DNER: variants seen among roughly 807,000 people sequenced by gnomAD.
The protein encoded by DNER is delta and Notch-like epidermal growth factor-related receptor.
In DNER, 33 loss-of-function variants were observed where a neutral mutation model predicts 78.2. That is an observed-to-expected ratio of 0.42 (90% CI 0.32 to 0.56). The LOEUF (loss-of-function observed/expected upper bound fraction) is 0.56. Among genes scored for constraint, DNER ranks in the 20% least tolerant of loss-of-function variants. DNER has a pLI of 0.11. For missense variants in DNER, 918 were observed against 975.3 expected, an observed-to-expected ratio of 0.94 and a Z score of 0.78; for synonymous variants, 417 against 384.8, an observed-to-expected ratio of 1.08 and a Z score of -0.98.
chr2:229,712,634 T>C (rs1699929006), intron 1 of DNER, among the ~76,000 whole-genome samples: 1 of 152,218 alleles, frequency 6.6e-6, no homozygotes, highest in Non-Finnish European at 1.5e-5. Flanking sequence ...TTAGCGTGAG[T>C]GCATTCCTTG....
intron 1 of DNER, among the ~76,000 whole-genome samples, chr2:229,650,489 C>A (rs557221947): frequency 6.6e-6 from 1 of 152,258 alleles, no homozygotes; most frequent in African/African-American, 2.4e-5. Flanking sequence ...AGGTTTCATC[C>A]CACAAATTCA....
chr2:229,380,494 T>A (rs1692712161), intron 11 of DNER, among the ~76,000 whole-genome samples: 1 of 152,192 alleles, frequency 6.6e-6, no homozygotes, highest in South Asian at 2.1e-4. Context: ...AAAGAAGCAA[T>A]CTGGAATAGG....
chr2:229,602,681 C>A (rs1345132276), intron 1 of DNER, among the ~76,000 whole-genome samples: 7 of 152,036 alleles, frequency 4.6e-5, no homozygotes, highest in African/African-American at 1.4e-4. Context: ...AACTAAAGAT[C>A]CTTTTCTCAA....
At chr2:229,519,087 T>G (rs1236136735) in intron 5 of DNER, among the ~76,000 whole-genome samples, 1 of 152,174 alleles carries the variant, frequency 6.6e-6, no homozygotes, top group Non-Finnish European at 1.5e-5. Context: ...GCCTTCTAAT[T>G]TATATATTCC....
At chr2:229,672,146 C>A (rs760709046) in intron 1 of DNER, among the ~76,000 whole-genome samples, 3 of 152,140 alleles carry the variant, frequency 2.0e-5, no homozygotes, top group Non-Finnish European at 2.9e-5. Context: ...GTCAGGGGCT[C>A]GGCAGGAATA....
intron 11 of DNER, among the ~76,000 whole-genome samples, chr2:229,368,932 T>C (rs116813815): frequency 0.023 from 3,563 of 152,316 alleles, 132 homozygotes; most frequent in African/African-American, 0.08. Flanking sequence ...TAAGAATGTA[T>C]TCCTTTTCCA....
intron 12 of DNER, 87 bp from the exon 13 acceptor site, chr2:229,358,738 T>A: frequency 9.4e-7 from 1 of 1,063,330 alleles, no homozygotes; most frequent in Non-Finnish European, 1.4e-6. Context: ...TTTATATGCA[T>A]GAATTAAATG....
intron 4 of DNER, among the ~76,000 whole-genome samples, chr2:229,562,745 A>G (rs916581112): frequency 3.3e-5 from 5 of 152,100 alleles, no homozygotes; most frequent in African/African-American, 4.8e-5. Flanking sequence ...CCTTCTTTCT[A>G]AAATAAAAAT....
At chr2:229,657,911 CA>C (rs1479057019) in intron 1 of DNER, among the ~76,000 whole-genome samples, 8 of 151,922 alleles carry the variant, frequency 5.3e-5, no homozygotes, top group African/African-American at 1.9e-4. Flanking sequence ...AAGGGAATTT[CA>C]TGATCATTAA....
intron 7 of DNER, among the ~76,000 whole-genome samples, chr2:229,463,655 G>A (rs1240808661): frequency 6.6e-6 from 1 of 152,140 alleles, no homozygotes; most frequent in African/African-American, 2.4e-5. Context: ...GCCCAGGCTT[G>A]TCTTGAACTC....
At chr2:229,376,603 T>C (rs1692606802) in intron 11 of DNER, among the ~76,000 whole-genome samples, 1 of 152,248 alleles carries the variant, frequency 6.6e-6, no homozygotes, top group East Asian at 1.9e-4. Flanking sequence ...GGAAATACCA[T>C]GTGACATTTT....
chr2:229,594,776 G>A (rs776137427), intron 1 of DNER, among the ~76,000 whole-genome samples: 1 of 151,990 alleles, frequency 6.6e-6, no homozygotes, highest in Non-Finnish European at 1.5e-5. Flanking sequence ...GAAGGCAGAA[G>A]GTAAGGGTTA....
chr2:229,481,729 C>T (rs762271403), intron 6 of DNER, among the ~76,000 whole-genome samples: 3 of 152,178 alleles, frequency 2.0e-5, no homozygotes, highest in Admixed American at 1.3e-4. Context: ...CTAAAGTAAC[C>T]ATACCAACTA....
At chr2:229,453,698 T>C (rs1694507617) in intron 7 of DNER, among the ~76,000 whole-genome samples, 1 of 152,182 alleles carries the variant, frequency 6.6e-6, no homozygotes, top group Admixed American at 6.5e-5. Context: ...CCCCACCCTT[T>C]CTGCCTCCTC....
At chr2:229,404,231 T>C (rs1693332609) in intron 10 of DNER, among the ~76,000 whole-genome samples, 1 of 152,138 alleles carries the variant, frequency 6.6e-6, no homozygotes, top group Admixed American at 6.5e-5. Flanking sequence ...CACACTGCTA[T>C]GAAGATACTA....
chr2:229,665,796 T>A (rs1699083414), intron 1 of DNER, among the ~76,000 whole-genome samples: 1 of 152,178 alleles, frequency 6.6e-6, no homozygotes, highest in African/African-American at 2.4e-5. Flanking sequence ...GGAAGTGATC[T>A]GGGTCTCCTT....
intron 8 of DNER, among the ~76,000 whole-genome samples, chr2:229,435,114 T>C (rs4973202): frequency 1 from 151,791 of 152,286 alleles, 75,652 homozygotes; most frequent in Middle Eastern, 1. Context: ...ACTGGGACAT[T>C]GGCAAACAAC....
At chr2:229,510,007 C>A (rs1372028610) in intron 6 of DNER, among the ~76,000 whole-genome samples, 4 of 151,940 alleles carry the variant, frequency 2.6e-5, no homozygotes, top group African/African-American at 9.7e-5. Flanking sequence ...TTAATAGAGG[C>A]CTGAAACAAC....
chr2:229,682,618 C>A (rs1010305208), intron 1 of DNER, among the ~76,000 whole-genome samples: 2 of 152,112 alleles, frequency 1.3e-5, no homozygotes, highest in African/African-American at 4.8e-5. Context: ...GAGGTCGAGG[C>A]CGGCAGATCA....
Sources: gnomAD v4.1 joint callset for allele counts (sites outside exome capture counted in the v4.1 genomes callset) on GRCh38, gnomAD v4.1.1 for gene constraint, MANE v1.5 for transcripts, NCBI Gene and HGNC (gene_info 2026-07-23, HGNC 2026-07-21) for gene names.